The following MAP3K1 variants were observed in gnomAD, a reference collection of about 807,000 sequenced individuals.
The protein encoded by MAP3K1 is mitogen-activated protein kinase kinase kinase 1, also known as MAP/ERK kinase kinase 1.
Under a neutral mutation model 144.2 loss-of-function variants are expected in MAP3K1, and 36 were observed. That is an observed-to-expected ratio of 0.25 (90% confidence interval 0.19 to 0.33). MAP3K1 has a LOEUF of 0.33. MAP3K1 is among the 10% of genes least tolerant of loss of function. The pLI is 1.00. For synonymous variants in MAP3K1, 718 were observed against 688.7 expected (o/e 1.04, Z -0.67); for missense variants, 1,650 against 1,881.9 (o/e 0.88, Z 2.28).
intron 1 of MAP3K1, among the ~76,000 whole-genome samples, chr5:56,835,743 T>C (rs1746634994): frequency 6.6e-6 from 1 of 151,910 alleles, no homozygotes; most frequent in South Asian, 2.1e-4. Context: ...TTTTACAAGC[T>C]GAAGAGATGG....
At chr5:56,885,277 A>G (rs1402541910) in intron 16 of MAP3K1, among the ~76,000 whole-genome samples, 2 of 152,222 alleles carry the variant, frequency 1.3e-5, no homozygotes, top group Non-Finnish European at 2.9e-5. Context: ...TTTATTTTGT[A>G]TTATACAATG....
chr5:56,841,224 G>A (rs939391014), intron 1 of MAP3K1, among the ~76,000 whole-genome samples: 5 of 151,330 alleles, frequency 3.3e-5, no homozygotes, highest in Admixed American at 3.3e-4. Context: ...AAACTAGACA[G>A]GTTAATATTT....
rs1747866267 is a variant in MAP3K1 at position 56,871,899 on chromosome 5, C to T, written c.1302-11C>T. 6.2e-7 allele frequency: 1 copy of T among 1,613,418 alleles called. No individual in the cohort carries two copies. The highest frequency in any genetic ancestry group is 8.5e-7 in the Non-Finnish European group (1 of 1,179,518). On this transcript the variant is annotated splice_polypyrimidine_tract_variant and intron_variant, in intron 6 of 19. Coordinates refer to ENST00000399503, the MANE Select transcript of MAP3K1 (RefSeq NM_005921.2). ...TTTATGCTTAATACTTTTTCTTCCC[C>T]TTTTCTATAGCATAAAGGATGAAGA...
At position 56,881,213 on chromosome 5, in the gene MAP3K1, T is replaced by G; in HGVS notation, c.2310T>G (p.Ala770=). The change falls in exon 13 of 20, where the codon GCT becomes GCG. Residue 770 remains alanine (A), a synonymous_variant. Coordinates refer to ENST00000399503, the MANE Select transcript of MAP3K1 (RefSeq NM_005921.2). The stretch of plus-strand genomic sequence containing the variant: ...ATAGACTGTTGTTGGAATTTCCTGC[T>G]GAATTTTATCCTCATATTGTCAGTA... The part of the protein sequence containing the change: ...LIDRLLLEFP[A]EFYPHIVSTD... The G allele has an allele frequency of 6.2e-7, 1 of 1,613,846 alleles. No homozygotes were observed. Among genetic ancestry groups the G allele is most frequent in the African/African-American group, 1.3e-5 (1 of 75,042 alleles).
chr5:56,851,360 A>G (rs1188102861), intron 1 of MAP3K1, among the ~76,000 whole-genome samples: 1 of 152,156 alleles, frequency 6.6e-6, no homozygotes, highest in African/African-American at 2.4e-5. Flanking sequence ...GTTAAAATTT[A>G]TTTCATTCCA....
In MAP3K1 at chr5:56,895,001, T is replaced by G. The variant is rs1748662763; in HGVS notation, c.*1321T>G. ...TCTTTTTGTGTGTGTGTGAGTCTTT[T>G]AAATCAAGTACTGATTAACTATTAA... On this transcript the variant is annotated 3_prime_UTR_variant, in exon 20 of 20. Transcript: ENST00000399503. 4.3e-6 allele frequency: 1 copy of G among 231,852 alleles called. No individual in the cohort carries two copies. Among genetic ancestry groups the G allele is most frequent in the African/African-American group, 2.2e-5 (1 of 45,304 alleles). The allele number at this position is 231,852 out of a possible 1,614,324, so 14.4% of individuals were successfully genotyped here.
At chr5:56,817,963 A>G (rs960822852) in intron 1 of MAP3K1, among the ~76,000 whole-genome samples, 17 of 152,192 alleles carry the variant, frequency 1.1e-4, no homozygotes, top group Admixed American at 9.2e-4. Flanking sequence ...TTTGTAACCG[A>G]GGTTTTTTCC....
At chr5:56,838,614 T>C (rs952424449) in intron 1 of MAP3K1, among the ~76,000 whole-genome samples, 1 of 152,216 alleles carries the variant, frequency 6.6e-6, no homozygotes, top group Non-Finnish European at 1.5e-5. Flanking sequence ...TTGCCTGAGT[T>C]AACATTTTTA....
At position 56,819,586 on chromosome 5, in the gene MAP3K1, G is replaced by C. The variant is rs957434058; in HGVS notation, c.482+3531G>C. On this transcript the variant is annotated intron_variant, in intron 1 of 19. Transcript: ENST00000399503. ...CATGAGGAAAAATATGGGGCATTCA[G>C]AAATGCTCTCAGGTAGAAAGCACCT... is the stretch of plus-strand genomic sequence containing the variant. Among the ~76,000 whole-genome samples, 10 of 152,142 alleles carry C rather than the reference G, an allele frequency of 6.6e-5. 1 individual carries two copies. Among genetic ancestry groups the C allele is most frequent in the Middle Eastern group, 6.3e-3 (2 of 316 alleles).
At chr5:56,828,151 G>T (rs1188287458) in intron 1 of MAP3K1, among the ~76,000 whole-genome samples, 1 of 152,156 alleles carries the variant, frequency 6.6e-6, no homozygotes, top group African/African-American at 2.4e-5. Flanking sequence ...AGCAAAGGCG[G>T]TTTGTGTAGA....
At chr5:56,870,376 A>G (rs867108986) in intron 6 of MAP3K1, among the ~76,000 whole-genome samples, 5 of 152,196 alleles carry the variant, frequency 3.3e-5, no homozygotes. Flanking sequence ...ACGGCTATTG[A>G]TTTTAAAAGC....
chr5:56,880,933 T>G, intron 12 of MAP3K1, 131 bp downstream of exon 12: 1 of 1,043,200 alleles, frequency 9.6e-7, no homozygotes, highest in Non-Finnish European at 1.4e-6. Flanking sequence ...ATTCACTGTG[T>G]TACAGTTAGA....
In MAP3K1 at chr5:56,827,553, T is replaced by C. The variant is rs540073562; in HGVS notation, c.482+11498T>C. ...CTACATGTTTCCATTTCAGAGACCA[T>C]GCACTGTAGTGATTAAGAACCTGGG... On this transcript the variant is annotated intron_variant, in intron 1 of 19. Transcript: ENST00000399503. 6.6e-5 allele frequency among the ~76,000 whole-genome samples: 10 copies of C among 152,318 alleles called. No individual in the cohort carries two copies. In the East Asian group the frequency reaches 1.4e-3, roughly 21 times the overall value.
chr5:56,867,656 A>G (rs1747718191), intron 6 of MAP3K1, among the ~76,000 whole-genome samples: 2 of 152,338 alleles, frequency 1.3e-5, no homozygotes, highest in South Asian at 4.1e-4. Context: ...TATTGTAAGC[A>G]TGTGCTTGAT....
rs909206199 is a variant in MAP3K1 at position 56,880,938 on chromosome 5, G to T, written c.2179+136G>T. On this transcript the variant is annotated intron_variant, in intron 12 of 19. Transcript: ENST00000399503. Reference sequence around the variant, plus strand: ...TTATAAATTGATTCACTGTGTTACAGTTAGAAATGTGAATTACTCTGAGAG... The same window carrying T: ...TTATAAATTGATTCACTGTGTTACATTTAGAAATGTGAATTACTCTGAGAG... 1.7e-5 allele frequency: 18 copies of T among 1,043,678 alleles called. No individual in the cohort carries two copies. The African/African-American group carries it at 2.4e-4, about 14-fold the overall frequency. 64.7% of individuals were successfully genotyped at this position (1,043,678 alleles called of 1,614,324 possible).
Position 56,865,399 on chromosome 5 carries a change from G to GT in MAP3K1, c.1098dup (p.Gln367SerfsTer18). ...ATCTGCTATTTGTGATGCTCCGGGT[G>GT]TTTCAACTAGAACCTTCAGACCCAA... On this transcript the variant is annotated frameshift_variant, in exon 5 of 20. Transcript: ENST00000399503. LOFTEE classifies it high-confidence loss of function. 1 of 1,612,538 alleles carries GT rather than the reference G, an allele frequency of 6.2e-7. No homozygotes were observed. Among genetic ancestry groups the GT allele is most frequent in the Non-Finnish European group, 8.5e-7 (1 of 1,178,754 alleles).
chr5:56,888,555 C>T (rs998794844), intron 19 of MAP3K1, among the ~76,000 whole-genome samples, 198 bp downstream of exon 19: 3 of 152,054 alleles, frequency 2.0e-5, no homozygotes, highest in African/African-American at 7.2e-5. Flanking sequence ...TGGTAAAAAC[C>T]ATACTTTGAA....
intron 1 of MAP3K1, among the ~76,000 whole-genome samples, chr5:56,853,816 C>G (rs1407199331): frequency 6.6e-6 from 1 of 152,136 alleles, no homozygotes; most frequent in Non-Finnish European, 1.5e-5. Context: ...GGTTGCAGGT[C>G]TGATGACAGG....
chr5:56,875,225 T>C lies in MAP3K1; in HGVS notation c.1880T>C (p.Ile627Thr). 1 of 1,614,164 alleles carries C rather than the reference T, an allele frequency of 6.2e-7. No individual in the cohort carries two copies. The highest frequency in any genetic ancestry group is 8.5e-7 in the Non-Finnish European group (1 of 1,180,030). Residue 627 changes from isoleucine (I) to threonine (T), a missense_variant, in exon 10 of 20, where the codon ATC (isoleucine) becomes ACC (threonine). This residue lies in a region of MAP3K1 where 841 missense variants were observed against 886.5 expected (regional missense o/e 0.95). Transcript: ENST00000399503. ...GATSGSSQTS[I>T]SGDVVEACCS... is the part of the protein sequence containing the mutation. ...ACCAGTGGGTCTTCCCAGACCAGTA[T>C]CTCAGGAGATGTGGTGGAGGCATGC... is the stretch of plus-strand genomic sequence containing the variant.
Sources: gnomAD v4.1 joint callset for allele counts (sites outside exome capture counted in the v4.1 genomes callset) on GRCh38, gnomAD v4.1.1 for gene constraint, gnomAD v4.1.1 regional missense constraint, MANE v1.5 for transcripts, NCBI Gene and HGNC (gene_info 2026-07-23, HGNC 2026-07-21) for gene names.